The following RGPD8 variants were observed in gnomAD, a reference collection of about 807,000 sequenced individuals.
RGPD8 encodes the protein RANBP2 like and GRIP domain containing 8.
RGPD8 carries 15 observed loss-of-function variants against 89.1 expected under a neutral mutation model. The ratio of observed to expected loss-of-function variants is 0.17; its 90% CI spans 0.11 to 0.26. RGPD8 has a LOEUF of 0.26. RGPD8 is among the 10% of genes least tolerant of loss of function. The probability of loss-of-function intolerance (pLI) is 1.00; values close to 1 mark genes in which losing one functional copy is unlikely to be tolerated. For missense variants in RGPD8, 178 were observed against 1,179.6 expected (o/e 0.15, Z 12.44); for synonymous variants, 62 against 420.9 (o/e 0.15, Z 10.44).
At chr2:112,417,049 C>T in intron 6 of RGPD8, 144 bp downstream of exon 6, 3 of 1,534,494 alleles carry the variant, frequency 2.0e-6, no homozygotes, top group Admixed American at 3.7e-5. Context: ...AATAAGATTG[C>T]CTCCTAGCGG....
At chr2:112,430,731 C>T (rs1041120185) in intron 1 of RGPD8, among the ~76,000 whole-genome samples, 31 of 150,612 alleles carry the variant, frequency 2.1e-4, no homozygotes, top group African/African-American at 7.3e-4. Flanking sequence ...GGGGCCAAGG[C>T]GGGAGGATCA....
chr2:112,416,088 CAAAAAAAAA>C (rs1168507298), intron 6 of RGPD8, among the ~76,000 whole-genome samples: 1 of 88,910 alleles, frequency 1.1e-5, no homozygotes, highest in African/African-American at 4.7e-5. Flanking sequence ...GACTCCATCT[CAAAAAAAAA>C]AAAAAAAAAA....
chr2:112,432,516 G>A (rs1037739903), intron 1 of RGPD8: 7 of 985,238 alleles, frequency 7.1e-6, no homozygotes, highest in Admixed American at 1.2e-4. Context: ...AAATGTCCAC[G>A]CTGAGATGCC....
chr2:112,415,739 C>T (rs2104817304), intron 6 of RGPD8, among the ~76,000 whole-genome samples: 1 of 131,208 alleles, frequency 7.6e-6, no homozygotes, highest in East Asian at 2.3e-4. Flanking sequence ...AAAAATTAGC[C>T]AGGTGTGGTG....
intron 1 of RGPD8, among the ~76,000 whole-genome samples, chr2:112,429,669 T>TAC (rs1679939926): frequency 2.0e-5 from 3 of 151,300 alleles, no homozygotes; most frequent in Non-Finnish European, 4.4e-5. Context: ...AAAAAACAAA[T>TAC]AAATAAAAAT....
At chr2:112,387,724 A>G (rs1267802311) in intron 20 of RGPD8, among the ~76,000 whole-genome samples, 1 of 143,258 alleles carries the variant, frequency 7.0e-6, no homozygotes, top group African/African-American at 2.6e-5. Flanking sequence ...ACTTTAAAAA[A>G]AGACTCACGT....
chr2:112,427,405 T>C (rs1355322438), intron 1 of RGPD8, among the ~76,000 whole-genome samples: 1 of 152,190 alleles, frequency 6.6e-6, no homozygotes, highest in Non-Finnish European at 1.5e-5. Context: ...CCATGTTATG[T>C]AAACAGGACA....
At chr2:112,371,933 G>A (rs551815187) in intron 22 of RGPD8, among the ~76,000 whole-genome samples, 8 of 149,778 alleles carry the variant, frequency 5.3e-5, no homozygotes, top group South Asian at 2.1e-4. Context: ...TTTTATCTGC[G>A]TGTTATTTAC....
chr2:112,430,949 C>T, intron 1 of RGPD8, among the ~76,000 whole-genome samples: 1 of 152,210 alleles, frequency 6.6e-6, no homozygotes, highest in Non-Finnish European at 1.5e-5. Context: ...AGAAAGAGAC[C>T]TTGTCTCAAA....
chr2:112,431,558 G>A (rs541878752), intron 1 of RGPD8, among the ~76,000 whole-genome samples: 1 of 151,738 alleles, frequency 6.6e-6, no homozygotes, highest in South Asian at 2.1e-4. Flanking sequence ...TGCTGGAAGC[G>A]CAAAATAAGA....
At chr2:112,432,539 C>G (rs1680086892) in intron 1 of RGPD8, 4 of 985,392 alleles carry the variant, frequency 4.1e-6, no homozygotes, top group South Asian at 4.7e-5. Context: ...CCTTGTCACT[C>G]GACGCAGCCG....
In RGPD8 at chr2:112,433,549, G is replaced by A; in HGVS notation, c.-96C>T. ...AGGAAAGTGCCTGCAAGCCACTGAA[G>A]CAGCGGCGTAGCCGGCGGAGGCCCA... On this transcript the variant is annotated 5_prime_UTR_variant, in exon 1 of 23. Transcript: ENST00000302558. The A allele has an allele frequency of 7.6e-7, 1 of 1,321,714 alleles. No homozygotes were observed. Among genetic ancestry groups the A allele is most frequent in the South Asian group, 1.3e-5 (1 of 74,940 alleles). 81.9% of individuals were successfully genotyped at this position (1,321,714 alleles called of 1,614,324 possible).
Position 112,389,082 on chromosome 2 carries a change from G to C in RGPD8, c.3863C>G (p.Thr1288Arg). 7.7e-7 allele frequency: 1 copy of C among 1,300,060 alleles called. No individual in the cohort carries two copies. The highest frequency in any genetic ancestry group is 2.4e-5 in the East Asian group (1 of 42,250). The allele number at this position is 1,300,060 out of a possible 1,614,324, so 80.5% of individuals were successfully genotyped here. Reference protein sequence around the residue: ...RKNLFRFDESTTGSNFSFKSA... With the variant: ...RKNLFRFDESRTGSNFSFKSA... ...TTTAAAACTGAAGTTAGATCCTGTT[G>C]TTGACTCATCAAAGCGGAAAAGATT... Residue 1288 changes from threonine to arginine, a missense_variant, in exon 20 of 23, where the codon ACA becomes AGA. By Grantham distance (71) the Thr-to-Arg change is moderately conservative. Transcript: ENST00000302558.
At position 112,422,602 on chromosome 2, in the gene RGPD8, C is replaced by A. The variant is rs1361896117; in HGVS notation, c.198G>T (p.Leu66=). ...TTTCTTCCAATTCATAAAGAAGACCCAGAAATCTGTGAGCTTTGGGATCCC... is the reference window on the plus strand; with the variant it reads ...TTTCTTCCAATTCATAAAGAAGACCAAGAAATCTGTGAGCTTTGGGATCCC... ...QERDPKAHRF[L]GLLYELEENT... Residue 66 remains leucine (L), a synonymous_variant, in exon 3 of 23, where the codon CTG becomes CTT. Transcript: ENST00000302558. 1.2e-6 allele frequency: 2 copies of A among 1,608,854 alleles called. No homozygotes were observed. Among genetic ancestry groups the A allele is most frequent in the Admixed American group, 1.7e-5 (1 of 59,766 alleles).
At chr2:112,426,648 G>C (rs1235591786) in intron 1 of RGPD8, among the ~76,000 whole-genome samples, 2 of 149,874 alleles carry the variant, frequency 1.3e-5, no homozygotes, top group South Asian at 2.1e-4. Flanking sequence ...AAGGAGGTGA[G>C]AGACTTGTAT....
intron 19 of RGPD8, among the ~76,000 whole-genome samples, chr2:112,390,724 TAAAAC>T (rs1678667620): frequency 1.4e-5 from 2 of 139,706 alleles, no homozygotes; most frequent in African/African-American, 5.2e-5. Flanking sequence ...CTATTTCTGT[TAAAAC>T]AGAACGATGA....
intron 1 of RGPD8, among the ~76,000 whole-genome samples, chr2:112,428,502 T>A (rs2104839246): frequency 6.7e-6 from 1 of 150,280 alleles, no homozygotes; most frequent in South Asian, 2.1e-4. Context: ...AGTGAGACTA[T>A]GCTACACCAA....
chr2:112,423,817 A>C (rs1460976102), intron 2 of RGPD8, among the ~76,000 whole-genome samples: 1 of 152,218 alleles, frequency 6.6e-6, no homozygotes, highest in East Asian at 1.9e-4. Context: ...TTACAGCATC[A>C]CATATTGTGT....
chr2:112,430,971 G>A (rs1379523054), intron 1 of RGPD8, among the ~76,000 whole-genome samples: 2 of 152,222 alleles, frequency 1.3e-5, no homozygotes, highest in East Asian at 3.9e-4. Flanking sequence ...ACAAAATAAT[G>A]GCCGGTGCAG....
Sources: allele counts gnomAD v4.1 joint callset (sites outside exome capture counted in the v4.1 genomes callset), GRCh38; gene constraint gnomAD v4.1.1; transcripts MANE v1.5; gene names NCBI Gene and HGNC (gene_info 2026-07-23, HGNC 2026-07-21).